The following CACNA2D3 variants were observed in gnomAD, a reference collection of about 807,000 sequenced individuals.
CACNA2D3 encodes voltage-dependent calcium channel subunit alpha-2/delta-3.
In CACNA2D3, 60 loss-of-function variants were observed where a neutral mutation model predicts 160.6. The ratio of observed to expected loss-of-function variants is 0.37; its 90% CI spans 0.30 to 0.46. CACNA2D3 has a LOEUF of 0.46. Ranked by LOEUF, CACNA2D3 falls within the 20% of genes least tolerant of loss-of-function variation. The pLI is 1.00. For missense variants in CACNA2D3, 1,205 were observed against 1,365.0 expected (o/e 0.88, Z 1.85); for synonymous variants, 558 against 492.9 (o/e 1.13, Z -1.75).
chr3:54,653,750 G>A (rs1699820752), intron 11 of CACNA2D3, among the ~76,000 whole-genome samples: 1 of 152,224 alleles, frequency 6.6e-6, no homozygotes, highest in Non-Finnish European at 1.5e-5. Flanking sequence ...CACGACAGAT[G>A]CATGGTACTT....
At chr3:54,733,181 T>G (rs1385532286) in intron 11 of CACNA2D3, among the ~76,000 whole-genome samples, 3 of 152,238 alleles carry the variant, frequency 2.0e-5, no homozygotes, top group African/African-American at 7.2e-5. Context: ...TCGGGACTTT[T>G]GTTCTGTGTT....
chr3:54,791,293 A>T (rs1702753824), intron 13 of CACNA2D3, among the ~76,000 whole-genome samples: 1 of 152,186 alleles, frequency 6.6e-6, no homozygotes, highest in Admixed American at 6.5e-5. Flanking sequence ...GTTCAGTAGG[A>T]ATATAAAGGG....
intron 14 of CACNA2D3, among the ~76,000 whole-genome samples, chr3:54,826,381 A>G (rs548348346): frequency 6.6e-6 from 1 of 152,348 alleles, no homozygotes; most frequent in Non-Finnish European, 1.5e-5. Flanking sequence ...AAGAAGTTCA[A>G]AAACAAAATG....
chr3:54,138,235 T>G (rs1699854984), intron 2 of CACNA2D3, among the ~76,000 whole-genome samples: 2 of 152,330 alleles, frequency 1.3e-5, no homozygotes, highest in South Asian at 2.1e-4. Context: ...CCTCTTCCTT[T>G]GCCAGCAGCC....
At chr3:54,508,631 A>G (rs1013231166) in intron 5 of CACNA2D3, among the ~76,000 whole-genome samples, 5 of 152,246 alleles carry the variant, frequency 3.3e-5, no homozygotes, top group African/African-American at 1.2e-4. Flanking sequence ...CCCAATCTCA[A>G]TTCCTCTTCT....
chr3:54,571,300 A>C (rs2106721640), intron 8 of CACNA2D3, among the ~76,000 whole-genome samples: 1 of 152,248 alleles, frequency 6.6e-6, no homozygotes, highest in Non-Finnish European at 1.5e-5. Context: ...TCAGACTTAA[A>C]GTCTGTGTTG....
chr3:54,144,313 T>A lies in CACNA2D3; in HGVS notation c.204+20719T>A, dbSNP rs184147017. On this transcript the variant is annotated intron_variant, in intron 2 of 37. Transcript: ENST00000474759. Reference sequence around the variant, plus strand: ...GAGCATGAAGGTTGTTGCCCAGGTTTCCCCCAGTGTAAACAGTGCTCTGAT... The same window carrying A: ...GAGCATGAAGGTTGTTGCCCAGGTTACCCCCAGTGTAAACAGTGCTCTGAT... 2.0e-5 allele frequency among the ~76,000 whole-genome samples: 3 copies of A among 152,282 alleles called. No homozygotes were observed. The East Asian group carries it at 5.8e-4, about 29-fold the overall frequency.
rs115046447 is a variant in CACNA2D3, at chr3:54,484,208, T to A, written c.382-19284T>A. 5.9e-3 allele frequency among the ~76,000 whole-genome samples: 903 copies of A among 152,342 alleles called. 9 individuals carry two copies. Among genetic ancestry groups the A allele is most frequent in the African/African-American group, 0.021 (876 of 41,564 alleles). On this transcript the variant is annotated intron_variant, in intron 4 of 37. Transcript: ENST00000474759. ...TTTTAAAAAGGACACAGGAACTACA[T>A]AACATTTTTTTTCAGATTTTGGAAA...
intron 8 of CACNA2D3, among the ~76,000 whole-genome samples, chr3:54,578,656 AT>A (rs1702627123): frequency 6.6e-6 from 1 of 152,246 alleles, no homozygotes; most frequent in African/African-American, 2.4e-5. Context: ...GTCAAGGGAA[AT>A]TAGTCAACTG....
intron 17 of CACNA2D3, among the ~76,000 whole-genome samples, chr3:54,867,098 A>G (rs1056409077): frequency 4.6e-5 from 7 of 152,328 alleles, no homozygotes; most frequent in African/African-American, 9.6e-5. Flanking sequence ...TTATAGATAC[A>G]CTAACAAATG....
chr3:54,862,404 C>CAT (rs200473741), intron 17 of CACNA2D3, among the ~76,000 whole-genome samples: 1 of 151,216 alleles, frequency 6.6e-6, no homozygotes, highest in South Asian at 2.1e-4. Context: ...CACACACACA[C>CAT]GCACACACAC....
At chr3:54,492,011 G>A (rs1447888644) in intron 4 of CACNA2D3, among the ~76,000 whole-genome samples, 3 of 152,142 alleles carry the variant, frequency 2.0e-5, no homozygotes, top group Non-Finnish European at 4.4e-5. Flanking sequence ...TAGCCTTTTT[G>A]CTGTCTAGGA....
chr3:54,853,935 A>T (rs1178308540), intron 17 of CACNA2D3, among the ~76,000 whole-genome samples: 1 of 151,938 alleles, frequency 6.6e-6, no homozygotes, highest in Non-Finnish European at 1.5e-5. Context: ...AAATGCAGGG[A>T]TCTGTTGCCA....
intron 21 of CACNA2D3, among the ~76,000 whole-genome samples, chr3:54,881,263 C>T (rs570822596): frequency 2.6e-5 from 4 of 152,228 alleles, no homozygotes; most frequent in African/African-American, 9.6e-5. Flanking sequence ...AACTCATGCC[C>T]AGGGGAAACC....
intron 29 of CACNA2D3, among the ~76,000 whole-genome samples, chr3:54,978,352 T>C (rs777026781): frequency 2.0e-5 from 3 of 152,080 alleles, no homozygotes; most frequent in Non-Finnish European, 4.4e-5. Context: ...TAAAGATGCA[T>C]CTTCTGTAAC....
chr3:54,146,355 G>A (rs185860312), intron 2 of CACNA2D3, among the ~76,000 whole-genome samples: 1 of 152,236 alleles, frequency 6.6e-6, no homozygotes, highest in African/African-American at 2.4e-5. Flanking sequence ...GATGCTGAGA[G>A]TGGCTTGGTA....
At chr3:54,517,357 G>A (rs553442239) in intron 5 of CACNA2D3, among the ~76,000 whole-genome samples, 4 of 152,360 alleles carry the variant, frequency 2.6e-5, no homozygotes, top group African/African-American at 4.8e-5. Flanking sequence ...CTTAATGACA[G>A]TTTCTGCAGC....
At chr3:54,995,795 G>C (rs1702843871) in intron 31 of CACNA2D3, among the ~76,000 whole-genome samples, 1 of 152,190 alleles carries the variant, frequency 6.6e-6, no homozygotes, top group Non-Finnish European at 1.5e-5. Flanking sequence ...ACTACTGATA[G>C]TTTCTACCAC....
intron 3 of CACNA2D3, among the ~76,000 whole-genome samples, chr3:54,330,893 C>T (rs1406709930): frequency 6.6e-6 from 1 of 152,178 alleles, no homozygotes; most frequent in Non-Finnish European, 1.5e-5. Context: ...CATCAGCTTG[C>T]TGTGGTCCAC....
Sources: gnomAD v4.1 joint callset for allele counts (sites outside exome capture counted in the v4.1 genomes callset) on GRCh38, gnomAD v4.1.1 for gene constraint, MANE v1.5 for transcripts, NCBI Gene and HGNC (gene_info 2026-07-23, HGNC 2026-07-21) for gene names.